The following DHX33 variants were observed in gnomAD, a reference collection of about 807,000 sequenced individuals.
DHX33 encodes ATP-dependent RNA helicase DHX33.
DHX33 carries 42 observed loss-of-function variants against 72.5 expected under a neutral mutation model. The observed-to-expected ratio is 0.58, with a 90% CI of 0.45 to 0.75. The LOEUF (loss-of-function observed/expected upper bound fraction) is 0.75. Ranked by LOEUF, DHX33 falls within the 30% of genes least tolerant of loss-of-function variation. The pLI is 0.00. For synonymous variants in DHX33, 358 were observed against 366.1 expected, an observed-to-expected ratio of 0.98 and a Z score of 0.25; for missense variants, 842 against 917.5, an observed-to-expected ratio of 0.92 and a Z score of 1.06.
Position 5,453,625 on chromosome 17 carries a change from C to T in DHX33, c.1351G>A (p.Val451Ile), listed in dbSNP as rs1917052318. 2.5e-6 allele frequency: 4 copies of T among 1,614,060 alleles called. No homozygotes were observed. The highest frequency in any genetic ancestry group is 4.5e-5 in the East Asian group (2 of 44,898). ...SVMLQLLAMK[V>I]PNVLTFDFMS... ...AAGTCAAAGGTGAGCACATTTGGGA[C>T]TTTCATTGCTAGAAGCTGAAGCATC... is the stretch of plus-strand genomic sequence containing the variant. The change falls in exon 8 of 12, where the codon GTC (valine) becomes ATC (isoleucine). Residue 451 changes from valine to isoleucine, a missense_variant. Coordinates refer to ENST00000225296, the MANE Select transcript of DHX33 (RefSeq NM_020162.4).
intron 11 of DHX33, among the ~76,000 whole-genome samples, chr17:5,448,586 C>T (rs1488807720): frequency 6.6e-6 from 1 of 152,066 alleles, no homozygotes; most frequent in Non-Finnish European, 1.5e-5. Context: ...ATAAATTATA[C>T]ATATAATTTA....
Position 5,455,187 on chromosome 17 carries a change from T to G in DHX33, c.1120A>C (p.Met374Leu). 1 of 1,614,176 alleles carries G rather than the reference T, an allele frequency of 6.2e-7. No individual in the cohort carries two copies. The highest frequency in any genetic ancestry group is 8.5e-7 in the Non-Finnish European group (1 of 1,179,992). The change falls in exon 6 of 12, where the codon ATG becomes CTG. Residue 374 changes from methionine (M) to leucine (L), a missense_variant. Physicochemically the swap from Met to Leu is conservative, Grantham distance 15. Coordinates refer to ENST00000225296, the MANE Select transcript of DHX33 (RefSeq NM_020162.4). The stretch of plus-strand genomic sequence containing the variant: ...GGGTTATACTTCTTTGCTTTAACCA[T>G]GCCCGTGTCAACTACATATTTTATT... ...TGIKYVVDTG[M>L]VKAKKYNPDS...
intron 8 of DHX33, among the ~76,000 whole-genome samples, chr17:5,452,940 A>AG (rs953442808): frequency 2.0e-5 from 3 of 151,998 alleles, no homozygotes; most frequent in Non-Finnish European, 2.9e-5. Context: ...TCTTAAGAAA[A>AG]GGGGGGGCAA....
chr17:5,456,106 C>G lies in DHX33; in HGVS notation c.926G>C (p.Arg309Pro), dbSNP rs140524289. Residue 309 changes from arginine to proline, a missense_variant, in exon 5 of 12, where the codon CGA (arginine) becomes CCA (proline). Transcript: ENST00000225296. Reference sequence around the variant, plus strand: ...GTCTGGGAGGTGCTTTGCAATGTCTCGGCACGTCTTGCTCATGGCTTCGAT... The same window carrying G: ...GTCTGGGAGGTGCTTTGCAATGTCTGGGCACGTCTTGCTCATGGCTTCGAT... ...EEIEAMSKTC[R>P]DIAKHLPDGC... 6.2e-7 allele frequency: 1 copy of G among 1,614,050 alleles called. No individual in the cohort carries two copies. Among genetic ancestry groups the G allele is most frequent in the Non-Finnish European group, 8.5e-7 (1 of 1,180,032 alleles).
rs191464552 is a variant in DHX33 at position 5,451,950 on chromosome 17, T to C, written c.1397-1016A>G. 6.4e-4 allele frequency among the ~76,000 whole-genome samples: 97 copies of C among 152,132 alleles called. 1 individual carries two copies. The highest frequency in any genetic ancestry group is 2.3e-3 in the African/African-American group (95 of 41,470). ...ACCGCTTACTCAAGAATAACTAACA[T>C]AAACTTACAAACAACAGGTGGTTTA... is the stretch of plus-strand genomic sequence containing the variant. On this transcript the variant is annotated intron_variant, in intron 8 of 11. Coordinates refer to ENST00000225296, the MANE Select transcript of DHX33 (RefSeq NM_020162.4).
Position 5,444,555 on chromosome 17 carries a change from TA to T in DHX33, c.1816-43del. 1 of 1,585,266 alleles carries T rather than the reference TA, an allele frequency of 6.3e-7. No homozygotes were observed. Reference sequence around the variant, plus strand: ...CGAGGAATGGAGCCGACCCCACACGTAAACACTGGTCAGCACTACACAGCGT... The same window carrying T: ...CGAGGAATGGAGCCGACCCCACACGTAACACTGGTCAGCACTACACAGCGT... On this transcript the variant is annotated intron_variant, in intron 11 of 11. Transcript: ENST00000225296. The surrounding 1 kb of genome is among the most constrained non-coding windows in gnomAD (Gnocchi z 4.9).
intron 1 of DHX33, among the ~76,000 whole-genome samples, chr17:5,468,340 G>A (rs1294875107): frequency 6.6e-6 from 1 of 152,124 alleles, no homozygotes; most frequent in Non-Finnish European, 1.5e-5. Flanking sequence ...CCTTTTACGC[G>A]GAAGGTGAGT....
rs1388165148 is a variant in DHX33 at position 5,443,068 on chromosome 17, C to G, written c.*1137G>C. The G allele has an allele frequency of 6.6e-5, 10 of 152,258 alleles. No individual in the cohort carries two copies. In the East Asian group the frequency reaches 1.7e-3, roughly 26 times the overall value. 9.4% of individuals were successfully genotyped at this position (152,258 alleles called of 1,614,324 possible). On this transcript the variant is annotated 3_prime_UTR_variant, in exon 12 of 12. Coordinates refer to ENST00000225296, the MANE Select transcript of DHX33 (RefSeq NM_020162.4). ...GCAAGAATAAGTGTTACAGCTCTAGCTCTTTTAGAATTTGTCCAGCAGGTC... is the reference window on the plus strand; with the variant it reads ...GCAAGAATAAGTGTTACAGCTCTAGGTCTTTTAGAATTTGTCCAGCAGGTC...
In DHX33 at chr17:5,443,006, C is replaced by G. The variant is rs928916028; in HGVS notation, c.*1199G>C. On this transcript the variant is annotated 3_prime_UTR_variant, in exon 12 of 12. Transcript: ENST00000225296. ...AAAGCCAGATTGTCCCAAGTCCCTA[C>G]GAAGAAGGAAAAAATATCATAGAAA... 11 of 152,058 alleles carry G rather than the reference C, an allele frequency of 7.2e-5. No individual in the cohort carries two copies. Among genetic ancestry groups the G allele is most frequent in the African/African-American group, 2.7e-4 (11 of 41,450 alleles). 9.4% of individuals were successfully genotyped at this position (152,058 alleles called of 1,614,324 possible).
At position 5,453,862 on chromosome 17, in the gene DHX33, C is replaced by T. The variant is rs1271437067; in HGVS notation, c.1266G>A (p.Glu422=). The T allele has an allele frequency of 1.2e-6, 2 of 1,614,138 alleles. No homozygotes were observed. The highest frequency in any genetic ancestry group is 1.7e-5 in the Admixed American group (1 of 60,024). The change falls in exon 7 of 12, where the codon GAG becomes GAA. Residue 422 remains glutamate, a synonymous_variant. Coordinates refer to ENST00000225296, the MANE Select transcript of DHX33 (RefSeq NM_020162.4). ...CGGTCATCTTATCAAACTTCTCAAA[C>T]TCGTCCTCCGTGTAGAGCCGGTAGC... ...GICYRLYTED[E]FEKFDKMTVP... is the part of the protein sequence containing the mutation.
intron 5 of DHX33, among the ~76,000 whole-genome samples, 155 bp from the exon 6 acceptor site, chr17:5,455,426 T>A (rs1276828423): frequency 6.6e-6 from 1 of 152,182 alleles, no homozygotes; most frequent in African/African-American, 2.4e-5. Flanking sequence ...TGGTTGGTCA[T>A]TAAACCGGGC....
At chr17:5,468,481 A>T (rs1904977615) in intron 1 of DHX33, 90 bp downstream of exon 1, 4 of 1,463,228 alleles carry the variant, frequency 2.7e-6, no homozygotes, top group African/African-American at 1.4e-5. Flanking sequence ...GAAGCCACGA[A>T]CGAAAGGGAT....
chr17:5,464,427 G>A (rs1483302528), intron 1 of DHX33, among the ~76,000 whole-genome samples: 4 of 152,160 alleles, frequency 2.6e-5, no homozygotes, highest in Admixed American at 2.0e-4. Context: ...TGTTGGTAAA[G>A]CCTCAGGAGA....
chr17:5,451,915 C>G (rs1490616446), intron 8 of DHX33, among the ~76,000 whole-genome samples: 1 of 152,132 alleles, frequency 6.6e-6, no homozygotes, highest in African/African-American at 2.4e-5. Context: ...ACGGAACAAG[C>G]TGAATGAAAA....
chr17:5,460,304 G>A (rs1326161501), intron 4 of DHX33, among the ~76,000 whole-genome samples: 4 of 152,130 alleles, frequency 2.6e-5, no homozygotes, highest in Middle Eastern at 3.4e-3. Flanking sequence ...GTGAGCCACT[G>A]TGCCCAGCCA....
At chr17:5,465,132 G>A (rs1019100532) in intron 1 of DHX33, among the ~76,000 whole-genome samples, 5 of 152,182 alleles carry the variant, frequency 3.3e-5, no homozygotes, top group African/African-American at 1.2e-4. Context: ...CCTACCCTGT[G>A]TGAATTCCTT....
chr17:5,451,001 T>C lies in DHX33; in HGVS notation c.1397-67A>G. ...AAATGAAGTTGCAGCTAGTTCAGTATTTCTGGGAGCTTCTGATAATTCTAC... is the reference window on the plus strand; with the variant it reads ...AAATGAAGTTGCAGCTAGTTCAGTACTTCTGGGAGCTTCTGATAATTCTAC... On this transcript the variant is annotated intron_variant, in intron 8 of 11. Coordinates refer to ENST00000225296, the MANE Select transcript of DHX33 (RefSeq NM_020162.4). 3.2e-6 allele frequency: 5 copies of C among 1,572,850 alleles called. No individual in the cohort carries two copies. In the South Asian group the frequency reaches 5.8e-5, roughly 18 times the overall value.
chr17:5,453,326 C>T (rs1917035377), intron 8 of DHX33, among the ~76,000 whole-genome samples: 1 of 152,124 alleles, frequency 6.6e-6, no homozygotes, highest in South Asian at 2.1e-4. Context: ...GAGTTGGAGG[C>T]TGTGATGGAG....
chr17:5,445,205 A>G (rs1160979023), intron 11 of DHX33, among the ~76,000 whole-genome samples: 1 of 151,970 alleles, frequency 6.6e-6, no homozygotes, highest in African/African-American at 2.4e-5. Context: ...TAGCCTCCCA[A>G]GTAGCTGGGA....
Sources: gnomAD v4.1 joint callset for allele counts (sites outside exome capture counted in the v4.1 genomes callset) on GRCh38, gnomAD v4.1.1 for gene constraint, Gnocchi (gnomAD v3.1) non-coding constraint, MANE v1.5 for transcripts, NCBI Gene and HGNC (gene_info 2026-07-23, HGNC 2026-07-21) for gene names.